Variants in PTK2 observed in about 807,000 individuals in gnomAD.
PTK2 encodes the protein focal adhesion kinase 1.
PTK2 carries 45 observed loss-of-function variants against 150.1 expected under a neutral mutation model. That is an observed-to-expected ratio of 0.30 (90% confidence interval 0.24 to 0.38). The LOEUF (loss-of-function observed/expected upper bound fraction) is 0.38, where lower values mean the gene tolerates loss of function less well. Ranked by LOEUF, PTK2 falls within the 10% of genes least tolerant of loss-of-function variation. PTK2 has a pLI of 1.00. For missense variants in PTK2, 919 were observed against 1,307.3 expected, an observed-to-expected ratio of 0.70 and a Z score of 4.58; for synonymous variants, 432 against 449.2, an observed-to-expected ratio of 0.96 and a Z score of 0.48.
chr8:140,928,453 T>C (rs1177290934), intron 1 of PTK2, among the ~76,000 whole-genome samples: 1 of 152,186 alleles, frequency 6.6e-6, no homozygotes, highest in East Asian at 1.9e-4. Context: ...ATCCCACTTC[T>C]GGGTATAAAC....
chr8:140,685,387 C>A (rs548378302), intron 27 of PTK2, among the ~76,000 whole-genome samples: 60 of 152,246 alleles, frequency 3.9e-4, no homozygotes, highest in African/African-American at 1.3e-3. Context: ...CACAAAATTA[C>A]AAATGGGACC....
intron 1 of PTK2, among the ~76,000 whole-genome samples, chr8:140,977,585 C>T (rs992241540): frequency 6.6e-6 from 1 of 151,072 alleles, no homozygotes; most frequent in Non-Finnish European, 1.5e-5. Context: ...CAGCACCACT[C>T]CCCTCCAGCC....
intron 22 of PTK2, chr8:140,718,797 A>G (rs1283087246): frequency 6.6e-6 from 1 of 152,246 alleles, no homozygotes; most frequent in Non-Finnish European, 1.5e-5. Flanking sequence ...AATGTATTTC[A>G]TAACTGCCCC....
intron 5 of PTK2, 57 bp from the exon 6 acceptor site, chr8:140,846,735 A>G (rs2100125738): frequency 8.1e-7 from 1 of 1,227,302 alleles, no homozygotes; most frequent in East Asian, 2.4e-5. Flanking sequence ...TATTAGATAT[A>G]TGCATTCAAT....
At chr8:140,881,294 T>C (rs2100148916) in intron 3 of PTK2, among the ~76,000 whole-genome samples, 2 of 152,194 alleles carry the variant, frequency 1.3e-5, no homozygotes, top group African/African-American at 4.8e-5. Flanking sequence ...GTGGGGAACT[T>C]GCCTAAAGGA....
At chr8:140,717,100 T>G (rs1229603371) in intron 23 of PTK2, among the ~76,000 whole-genome samples, 1 of 152,166 alleles carries the variant, frequency 6.6e-6, no homozygotes, top group Non-Finnish European at 1.5e-5. Context: ...AACTGCAATG[T>G]GCTCTCTTTC....
At chr8:140,779,644 G>C (rs935204246) in intron 14 of PTK2, among the ~76,000 whole-genome samples, 3 of 152,112 alleles carry the variant, frequency 2.0e-5, no homozygotes, top group African/African-American at 7.2e-5. Context: ...GAAGTTGGGG[G>C]AAACTGAGCA....
Position 140,946,223 on chromosome 8 carries a change from G to C in PTK2, c.-121-20474C>G, listed in dbSNP as rs561752583. Among the ~76,000 whole-genome samples, 4 of 152,048 alleles carry C rather than the reference G, an allele frequency of 2.6e-5. No homozygotes were observed. The South Asian group carries it at 8.3e-4, about 32-fold the overall frequency. On this transcript the variant is annotated intron_variant, in intron 1 of 31. Coordinates refer to ENST00000522684, the Ensembl canonical transcript of PTK2. ...CCTAAGAATATTAAGCAAACAAGAG[G>C]GACAACTGCAATTTTCAGTCCAAGA...
intron 4 of PTK2, among the ~76,000 whole-genome samples, chr8:140,869,199 C>A (rs541011021): frequency 6.7e-6 from 1 of 150,136 alleles, no homozygotes; most frequent in Non-Finnish European, 1.5e-5. Flanking sequence ...CACAGACCCA[C>A]TTGAAACTAA....
intron 12 of PTK2, among the ~76,000 whole-genome samples, chr8:140,795,474 G>A (rs368188852): frequency 4.6e-5 from 7 of 152,134 alleles, no homozygotes; most frequent in Non-Finnish European, 8.8e-5. Context: ...CTTCAGGTGC[G>A]ACTCTCTCAG....
intron 10 of PTK2, among the ~76,000 whole-genome samples, chr8:140,806,003 G>A (rs79722556): frequency 3.3e-5 from 5 of 152,198 alleles, no homozygotes; most frequent in East Asian, 1.9e-4. Context: ...CTCTAGTTTC[G>A]TTGGGGTAGA....
At chr8:140,895,417 G>A (rs1213863769) in intron 2 of PTK2, among the ~76,000 whole-genome samples, 1 of 151,996 alleles carries the variant, frequency 6.6e-6, no homozygotes, top group African/African-American at 2.4e-5. Context: ...AGCTCCTTGG[G>A]AGGCTGAGGC....
intron 2 of PTK2, among the ~76,000 whole-genome samples, chr8:140,899,584 T>C (rs1439755571): frequency 6.6e-6 from 1 of 152,160 alleles, no homozygotes; most frequent in Non-Finnish European, 1.5e-5. Context: ...GGGAGAATAT[T>C]TCCAAAATCA....
exon 23 of PTK2, chr8:140,717,657 A>G (rs934380856): frequency 6.2e-7 from 1 of 1,613,870 alleles, no homozygotes; most frequent in African/African-American, 1.3e-5. Flanking sequence ...TGTCTTCTGG[A>G]CTCCATCCTC....
At chr8:140,800,531 C>T (rs2100094395) in exon 12 of PTK2, 1 of 1,613,862 alleles carries the variant, frequency 6.2e-7, no homozygotes, top group Non-Finnish European at 8.5e-7. Flanking sequence ...ATTAGGTCAG[C>T]CATATTCTCC....
chr8:140,965,990 G>A (rs1020449), intron 1 of PTK2, among the ~76,000 whole-genome samples: 137,205 of 152,208 alleles, frequency 0.9, 63,182 homozygotes, highest in Non-Finnish European at 1. Context: ...GTAAAGGTCA[G>A]AAAAGCTCCA....
chr8:140,709,620 C>G (rs1383384641), intron 23 of PTK2, among the ~76,000 whole-genome samples: 1 of 152,146 alleles, frequency 6.6e-6, no homozygotes, highest in Non-Finnish European at 1.5e-5. Context: ...CCTCCTGGAG[C>G]TGCCGTGAAG....
intron 1 of PTK2, among the ~76,000 whole-genome samples, chr8:140,952,881 A>C (rs1465235992): frequency 6.6e-6 from 1 of 152,228 alleles, no homozygotes; most frequent in Non-Finnish European, 1.5e-5. Context: ...AATTACAAGT[A>C]ATATAATCTC....
At chr8:140,728,207 A>G (rs2100047099) in intron 22 of PTK2, among the ~76,000 whole-genome samples, 2 of 152,102 alleles carry the variant, frequency 1.3e-5, no homozygotes, top group Admixed American at 1.3e-4. Context: ...CTCAAAAAAA[A>G]AAAAAAAAGT....
Sources: allele counts gnomAD v4.1 joint callset (sites outside exome capture counted in the v4.1 genomes callset), GRCh38; gene constraint gnomAD v4.1.1; transcripts MANE v1.5; gene names NCBI Gene and HGNC (gene_info 2026-07-23, HGNC 2026-07-21).